NRXN3: variants seen among roughly 807,000 people sequenced by gnomAD.
The protein encoded by NRXN3 is neurexin III.
NRXN3 carries 32 observed loss-of-function variants against 137.6 expected under a neutral mutation model. That is an observed-to-expected ratio of 0.23 (90% CI 0.18 to 0.31). The LOEUF is 0.31. Among genes scored for constraint, NRXN3 ranks in the 10% least tolerant of loss-of-function variants. The pLI, the probability that NRXN3 is intolerant of heterozygous loss-of-function variation, is 1.00. For missense variants in NRXN3, 1,574 were observed against 2,062.5 expected, an observed-to-expected ratio of 0.76 and a Z score of 4.59; for synonymous variants, 798 against 784.5, an observed-to-expected ratio of 1.02 and a Z score of -0.29.
intron 19 of NRXN3, among the ~76,000 whole-genome samples, chr14:79,754,670 CT>C (rs2099013247): frequency 6.6e-6 from 1 of 151,428 alleles, no homozygotes; most frequent in African/African-American, 2.4e-5. Flanking sequence ...AATGTTTCAA[CT>C]GGCCCCTAGG....
intron 15 of NRXN3, among the ~76,000 whole-genome samples, chr14:79,399,025 AAAG>A (rs1555424153): frequency 1.0e-4 from 15 of 150,402 alleles, no homozygotes; most frequent in African/African-American, 2.9e-4. Context: ...AAAAAAAAAA[AAAG>A]AAGAAGAAAA....
At chr14:78,513,911 G>A (rs73324409) in intron 4 of NRXN3, among the ~76,000 whole-genome samples, 5,136 of 152,054 alleles carry the variant, frequency 0.034, 242 homozygotes, top group East Asian at 0.1. Flanking sequence ...TGTATGCTTG[G>A]CTTCTATAAC....
chr14:78,925,649 C>A (rs1399753230), intron 10 of NRXN3, among the ~76,000 whole-genome samples: 1 of 152,176 alleles, frequency 6.6e-6, no homozygotes, highest in Admixed American at 6.5e-5. Flanking sequence ...GAGAAATGAT[C>A]TTGAATGACC....
At chr14:79,440,268 T>C (rs1379660567) in intron 15 of NRXN3, among the ~76,000 whole-genome samples, 3 of 152,204 alleles carry the variant, frequency 2.0e-5, no homozygotes, top group Non-Finnish European at 2.9e-5. Context: ...ATTGAGCCCC[T>C]TTTTAGCTGT....
At chr14:79,684,757 G>GCGTTTGATGTTCTCTACTT (rs1183967387) in intron 17 of NRXN3, among the ~76,000 whole-genome samples, 2 of 152,108 alleles carry the variant, frequency 1.3e-5, no homozygotes, top group Non-Finnish European at 2.9e-5. Flanking sequence ...CAAAAACCTT[G>GCGTTTGATGTTCTCTACTT]CGTTTGATGT....
chr14:78,387,547 A>C (rs1177873730), intron 4 of NRXN3, among the ~76,000 whole-genome samples: 1 of 152,134 alleles, frequency 6.6e-6, no homozygotes, highest in Non-Finnish European at 1.5e-5. Context: ...GCTACATGTG[A>C]AGTGTGATTC....
intron 10 of NRXN3, among the ~76,000 whole-genome samples, chr14:78,892,774 C>CTGTGTGTGTGTGTGTGTGTGTG (rs58718552): frequency 3.5e-4 from 49 of 140,140 alleles, no homozygotes; most frequent in Admixed American, 1.2e-3. Context: ...CCCCCATCTT[C>CTGTGTGTGTGTGTGTGTGTGTG]TGTGTGTGTG....
rs55806332 is a variant in NRXN3 at position 78,286,618 on chromosome 14, G to C, written c.727+7956G>C. On this transcript the variant is annotated intron_variant, in intron 3 of 20. Transcript: ENST00000335750. ...ATGGGGTAGCTTAGCTGACTGTGAC[G>C]ATGTAGGGAGGCATCTGAGGATGCA... 2.1e-3 allele frequency among the ~76,000 whole-genome samples: 313 copies of C among 152,272 alleles called. 2 individuals are homozygous for C. Among genetic ancestry groups the C allele is most frequent in the African/African-American group, 7.2e-3 (301 of 41,566 alleles).
intron 1 of NRXN3, among the ~76,000 whole-genome samples, chr14:78,183,277 C>G (rs193193888): frequency 5.3e-5 from 8 of 152,130 alleles, no homozygotes; most frequent in African/African-American, 1.9e-4. Flanking sequence ...TTTCTCTCCT[C>G]TTCCCTTTCA....
At chr14:79,368,115 C>T (rs1347300498) in intron 15 of NRXN3, among the ~76,000 whole-genome samples, 2 of 152,232 alleles carry the variant, frequency 1.3e-5, no homozygotes, top group East Asian at 3.9e-4. Flanking sequence ...AATAAAAGGA[C>T]ATATTAGGAG....
intron 15 of NRXN3, among the ~76,000 whole-genome samples, chr14:79,126,299 A>G (rs1036252751): frequency 5.3e-5 from 8 of 151,772 alleles, no homozygotes; most frequent in African/African-American, 7.3e-5. Context: ...AGCATTAGGT[A>G]TATCTCCCAA....
intron 16 of NRXN3, among the ~76,000 whole-genome samples, chr14:79,546,298 A>G (rs1012600285): frequency 5.9e-5 from 9 of 152,194 alleles, no homozygotes; most frequent in Non-Finnish European, 1.0e-4. Context: ...CTTTCCTTAT[A>G]CAATTGTTAT....
At chr14:78,913,935 C>A (rs2099247956) in intron 10 of NRXN3, among the ~76,000 whole-genome samples, 1 of 152,154 alleles carries the variant, frequency 6.6e-6, no homozygotes, top group Non-Finnish European at 1.5e-5. Flanking sequence ...TATGTATTGG[C>A]TCCCTGGCAG....
At chr14:79,653,657 C>T (rs2098488446) in intron 16 of NRXN3, among the ~76,000 whole-genome samples, 1 of 152,080 alleles carries the variant, frequency 6.6e-6, no homozygotes, top group Admixed American at 6.6e-5. Flanking sequence ...TTAGTTTATG[C>T]CTAATTGAGT....
At chr14:78,678,041 G>A (rs1410859189) in intron 6 of NRXN3, among the ~76,000 whole-genome samples, 2 of 152,024 alleles carry the variant, frequency 1.3e-5, no homozygotes, top group Non-Finnish European at 2.9e-5. Flanking sequence ...ACCAGGAAAT[G>A]AAAAAACATT....
chr14:78,255,429 CTT>C (rs1381490889), intron 2 of NRXN3, among the ~76,000 whole-genome samples: 1 of 152,224 alleles, frequency 6.6e-6, no homozygotes, highest in African/African-American at 2.4e-5. Flanking sequence ...GCTGTGGAAA[CTT>C]TGCTATTTGC....
At chr14:78,586,698 C>T (rs2097066603) in intron 4 of NRXN3, among the ~76,000 whole-genome samples, 1 of 152,142 alleles carries the variant, frequency 6.6e-6, no homozygotes, top group East Asian at 1.9e-4. Flanking sequence ...AGCCATGTCC[C>T]CCGACCCTGA....
chr14:78,707,475 A>C (rs918191569), intron 6 of NRXN3, among the ~76,000 whole-genome samples: 9 of 152,218 alleles, frequency 5.9e-5, no homozygotes, highest in African/African-American at 2.2e-4. Context: ...AAATAAGAGT[A>C]AAACTTTTTT....
At chr14:79,690,709 C>A (rs187546448) in intron 17 of NRXN3, among the ~76,000 whole-genome samples, 2 of 152,000 alleles carry the variant, frequency 1.3e-5, no homozygotes, top group Admixed American at 1.3e-4. Context: ...TATTGCTACC[C>A]GTTTCCTATC....
Sources: allele counts gnomAD v4.1 joint callset (sites outside exome capture counted in the v4.1 genomes callset), GRCh38; gene constraint gnomAD v4.1.1; transcripts MANE v1.5; gene names NCBI Gene and HGNC (gene_info 2026-07-23, HGNC 2026-07-21).